TMX4: variants seen among roughly 807,000 people sequenced by gnomAD.
The protein encoded by TMX4 is thioredoxin related transmembrane protein 4.
A neutral mutation model predicts 33.3 loss-of-function variants in TMX4; 23 were observed. The ratio of observed to expected loss-of-function variants is 0.69; its 90% CI spans 0.50 to 0.98. The LOEUF (loss-of-function observed/expected upper bound fraction) is 0.98, where lower values mean the gene tolerates loss of function less well. Ranked by LOEUF, TMX4 falls within the 50% of genes least tolerant of loss-of-function variation. TMX4 has a pLI of 0.00. For missense variants in TMX4, 399 were observed against 448.9 expected (o/e 0.89, Z 1.01); for synonymous variants, 164 against 161.5 (o/e 1.02, Z -0.12).
intron 7 of TMX4, among the ~76,000 whole-genome samples, chr20:7,983,004 GC>G (rs2050615745): frequency 6.6e-6 from 1 of 152,174 alleles, no homozygotes; most frequent in African/African-American, 2.4e-5. Flanking sequence ...AGGAGAAACA[GC>G]CTCTTTTTCT....
chr20:7,995,844 A>T (rs1418568600), intron 5 of TMX4, among the ~76,000 whole-genome samples, 182 bp downstream of exon 5: 1 of 152,008 alleles, frequency 6.6e-6, no homozygotes, highest in Non-Finnish European at 1.5e-5. Flanking sequence ...TACTGTTCAG[A>T]TTATGCCCTT....
chr20:8,013,778 C>T (rs942987297), intron 1 of TMX4: 28 of 152,144 alleles, frequency 1.8e-4, no homozygotes, highest in Non-Finnish European at 3.4e-4. Context: ...CAATAATGAA[C>T]AACTCTTCTT....
intron 5 of TMX4, among the ~76,000 whole-genome samples, chr20:7,991,345 C>T (rs759876604): frequency 1.3e-5 from 2 of 152,220 alleles, no homozygotes; most frequent in East Asian, 1.9e-4. Context: ...CATTTAAATG[C>T]TAAACTTAGT....
At chr20:8,012,177 T>G (rs6140498) in intron 1 of TMX4, among the ~76,000 whole-genome samples, 11,465 of 152,124 alleles carry the variant, frequency 0.075, 1,010 homozygotes, top group East Asian at 0.52. Flanking sequence ...AGTTCTGCTA[T>G]AACAATCAGA....
chr20:7,998,116 G>C (rs1158888145), intron 4 of TMX4, among the ~76,000 whole-genome samples: 2 of 152,006 alleles, frequency 1.3e-5, no homozygotes, highest in Non-Finnish European at 2.9e-5. Flanking sequence ...TTCCTGTACA[G>C]CCTGTAGAAC....
chr20:7,993,024 T>C (rs934763718), intron 5 of TMX4, among the ~76,000 whole-genome samples: 1 of 152,192 alleles, frequency 6.6e-6, no homozygotes, highest in Non-Finnish European at 1.5e-5. Context: ...CATTATACTG[T>C]TTTGTCATCT....
At chr20:8,013,707 A>G (rs914767419) in intron 1 of TMX4, 8 of 152,352 alleles carry the variant, frequency 5.3e-5, no homozygotes, top group African/African-American at 1.9e-4. Flanking sequence ...ATTTCAGAGA[A>G]GGACTTACTT....
At chr20:7,987,796 C>T (rs1363931564) in intron 5 of TMX4, among the ~76,000 whole-genome samples, 1 of 152,140 alleles carries the variant, frequency 6.6e-6, no homozygotes, top group Non-Finnish European at 1.5e-5. Context: ...TACAGAACGT[C>T]AATCATTTAA....
chr20:7,988,369 C>CA (rs2050639521), intron 5 of TMX4, among the ~76,000 whole-genome samples: 1 of 152,152 alleles, frequency 6.6e-6, no homozygotes, highest in Non-Finnish European at 1.5e-5. Context: ...AAATCTAAAT[C>CA]ACTCCCATTG....
At chr20:7,993,781 GCA>G (rs138693877) in intron 5 of TMX4, among the ~76,000 whole-genome samples, 20 of 149,156 alleles carry the variant, frequency 1.3e-4, no homozygotes, top group East Asian at 3.9e-4. Flanking sequence ...TTAAGGTAAT[GCA>G]CACACACACA....
chr20:8,010,076 A>G, intron 2 of TMX4, 124 bp downstream of exon 2: 1 of 668,258 alleles, frequency 1.5e-6, no homozygotes. Context: ...GTAATCTGCT[A>G]CTTAAAGGTG....
intron 4 of TMX4, among the ~76,000 whole-genome samples, chr20:7,996,446 T>C (rs1326801796): frequency 6.6e-6 from 1 of 152,116 alleles, no homozygotes; most frequent in African/African-American, 2.4e-5. Flanking sequence ...AGAAAATAGC[T>C]CATTTCCTTT....
chr20:8,014,463 T>G (rs868524666), intron 1 of TMX4, among the ~76,000 whole-genome samples: 1 of 152,246 alleles, frequency 6.6e-6, no homozygotes, highest in Non-Finnish European at 1.5e-5. Flanking sequence ...AAAGTATTTT[T>G]TGAACACAAA....
chr20:7,985,676 A>G (rs1287351489), intron 6 of TMX4, among the ~76,000 whole-genome samples: 1 of 152,210 alleles, frequency 6.6e-6, no homozygotes, highest in Non-Finnish European at 1.5e-5. Flanking sequence ...ATGCTTTGAA[A>G]TTATTATTTC....
chr20:7,985,739 A>G (rs1434066797), intron 6 of TMX4, among the ~76,000 whole-genome samples: 2 of 152,174 alleles, frequency 1.3e-5, no homozygotes, highest in Non-Finnish European at 2.9e-5. Flanking sequence ...TTATTAAGGA[A>G]GGGTAGTCTA....
intron 2 of TMX4, among the ~76,000 whole-genome samples, chr20:8,008,922 C>T (rs76954360): frequency 6.6e-6 from 1 of 152,128 alleles, no homozygotes; most frequent in African/African-American, 2.4e-5. Context: ...TCTCGCTCCA[C>T]GGGTTTGCTG....
rs1186300414 is a variant in TMX4 at position 7,982,581 on chromosome 20, C to T, written c.720G>A (p.Gln240=). Residue 240 remains glutamine (Q), a synonymous_variant, in exon 8 of 8, where the codon CAG becomes CAA. Transcript: ENST00000246024. ...CTTTTTCCTCCTCCGCATCCTGCAA[C>T]TGTTCAGCTCTATGAGCCTCCTCTG... ...RRSEEAHRAE[Q]LQDAEEEKDD... 6.2e-7 allele frequency: 1 copy of T among 1,613,506 alleles called. No individual in the cohort carries two copies. The highest frequency in any genetic ancestry group is 1.7e-5 in the Admixed American group (1 of 60,006).
chr20:7,988,523 G>C (rs1473655435), intron 5 of TMX4, among the ~76,000 whole-genome samples: 3 of 152,192 alleles, frequency 2.0e-5, no homozygotes, highest in Non-Finnish European at 2.9e-5. Context: ...AGAAGAGATA[G>C]AGCTAAAGAC....
At chr20:8,004,690 G>T (rs1047553358) in intron 2 of TMX4, among the ~76,000 whole-genome samples, 1 of 152,158 alleles carries the variant, frequency 6.6e-6, no homozygotes, top group Non-Finnish European at 1.5e-5. Flanking sequence ...ATTACATTTT[G>T]ATAAGCCAAA....
Sources: allele counts gnomAD v4.1 joint callset (sites outside exome capture counted in the v4.1 genomes callset), GRCh38; gene constraint gnomAD v4.1.1; transcripts MANE v1.5; gene names NCBI Gene and HGNC (gene_info 2026-07-23, HGNC 2026-07-21).